Variants in TG observed in about 807,000 individuals in gnomAD.
The protein encoded by TG is thyroglobulin, also known as thyroid hormones.
TG carries 270 observed loss-of-function variants against 324.7 expected under a neutral mutation model. That is an observed-to-expected ratio of 0.83 (90% CI 0.75 to 0.92). The LOEUF (loss-of-function observed/expected upper bound fraction) is 0.92, where lower values mean the gene tolerates loss of function less well. Among genes scored for constraint, TG ranks in the 40% least tolerant of loss-of-function variants. The probability of loss-of-function intolerance (pLI) is 0.00; values close to 1 mark genes in which losing one functional copy is unlikely to be tolerated. For synonymous variants in TG, 1,401 were observed against 1,327.0 expected (o/e 1.06, Z -1.21); for missense variants, 3,591 against 3,456.4 (o/e 1.04, Z -0.98).
At chr8:133,131,997 C>T in intron 46 of TG, 51 bp downstream of exon 46, 1 of 1,612,950 alleles carries the variant, frequency 6.2e-7, no homozygotes. Context: ...TTTCCTCCCG[C>T]TTCCTTCAAG....
At chr8:132,890,356 G>T (rs573460151) in intron 10 of TG, among the ~76,000 whole-genome samples, 2 of 152,188 alleles carry the variant, frequency 1.3e-5, no homozygotes, top group East Asian at 1.9e-4. Context: ...TTTTTGGGGG[G>T]GGTGCATATT....
chr8:132,969,015 C>T (rs1035518370), intron 31 of TG, among the ~76,000 whole-genome samples: 6 of 152,022 alleles, frequency 3.9e-5, no homozygotes, highest in Admixed American at 1.3e-4. Context: ...TTGTCAGCTG[C>T]GGAGAGGAGA....
chr8:133,051,330 A>G (rs768817336), intron 41 of TG, among the ~76,000 whole-genome samples: 6 of 152,158 alleles, frequency 3.9e-5, no homozygotes, highest in East Asian at 1.9e-4. Context: ...ATACGTTCAC[A>G]TAAGTTGCTG....
In TG at chr8:133,134,756, A is replaced by C; in HGVS notation, c.8269A>C (p.Ser2757Arg). Reference protein sequence around the residue: ...AGSGLREDLLSLQEPGSKTYS... With the variant: ...AGSGLREDLLRLQEPGSKTYS... ...ATCTGGGCTAAGAGAAGATCTCCTA[A>C]GCCTCCAGGAACCAGGCTCTAAGAC... Residue 2757 changes from serine (S) to arginine (R), a missense_variant, in exon 48 of 48, where the codon AGC becomes CGC. Physicochemically the swap from Ser to Arg is moderately radical, Grantham distance 110. Coordinates refer to ENST00000220616, the MANE Select transcript of TG (RefSeq NM_003235.5). The C allele has an allele frequency of 6.2e-7, 1 of 1,614,144 alleles. No individual in the cohort carries two copies. The highest frequency in any genetic ancestry group is 1.1e-5 in the South Asian group (1 of 91,080).
chr8:132,929,461 C>T (rs939324120), intron 23 of TG, among the ~76,000 whole-genome samples: 3 of 152,050 alleles, frequency 2.0e-5, no homozygotes, highest in Non-Finnish European at 2.9e-5. Flanking sequence ...TCTATGTGTC[C>T]AGGTCAGGAT....
intron 24 of TG, among the ~76,000 whole-genome samples, chr8:132,934,696 C>T (rs1823303475): frequency 6.6e-6 from 1 of 152,218 alleles, no homozygotes; most frequent in African/African-American, 2.4e-5. Context: ...TTCAAACAGC[C>T]TTGCTGTAGC....
chr8:132,939,358 ACT>A (rs1403195200), intron 25 of TG, among the ~76,000 whole-genome samples: 1 of 152,134 alleles, frequency 6.6e-6, no homozygotes, highest in Non-Finnish European at 1.5e-5. Flanking sequence ...GGGGAGGCCG[ACT>A]CTCTCAAGTA....
chr8:133,093,849 G>A (rs906142157), intron 41 of TG, among the ~76,000 whole-genome samples: 10 of 152,194 alleles, frequency 6.6e-5, no homozygotes, highest in African/African-American at 2.4e-4. Flanking sequence ...CTGTTACATG[G>A]GACAGTAAGA....
intron 23 of TG, among the ~76,000 whole-genome samples, chr8:132,932,807 G>A (rs934680396): frequency 1.3e-5 from 2 of 152,218 alleles, no homozygotes; most frequent in Admixed American, 6.5e-5. Context: ...ATCCCTTGCA[G>A]GGCTGCTGTC....
At chr8:132,978,745 A>C (rs865975793) in intron 34 of TG, among the ~76,000 whole-genome samples, 1 of 152,154 alleles carries the variant, frequency 6.6e-6, no homozygotes, top group African/African-American at 2.4e-5. Context: ...GGTAGAGAGG[A>C]GGTAGCATGT....
chr8:133,047,927 C>A (rs558354498), intron 41 of TG: 2 of 1,605,588 alleles, frequency 1.2e-6, no homozygotes, highest in Non-Finnish European at 1.7e-6. Flanking sequence ...GGCCCTCAAA[C>A]AGCCAGCTGG....
At chr8:133,052,002 C>T (rs1483602522) in intron 41 of TG, among the ~76,000 whole-genome samples, 2 of 152,162 alleles carry the variant, frequency 1.3e-5, no homozygotes, top group Non-Finnish European at 2.9e-5. Flanking sequence ...CTACAGGATA[C>T]ATAAATAGTC....
chr8:133,037,438 A>T (rs1461542623), intron 41 of TG: 1 of 152,174 alleles, frequency 6.6e-6, no homozygotes, highest in African/African-American at 2.4e-5. Flanking sequence ...TTTTCTAAAA[A>T]ATCCAGCTAT....
rs760443386 is a variant in TG at position 133,011,979 on chromosome 8, A to G, written c.6341A>G (p.His2114Arg). The change falls in exon 36 of 48, where the codon CAT (histidine) becomes CGT (arginine). Residue 2114 changes from histidine to arginine, a missense_variant. His to Arg is a conservative substitution (Grantham distance 29, BLOSUM62 0). Coordinates refer to ENST00000220616, the MANE Select transcript of TG (RefSeq NM_003235.5). ...DPSIRHFDVA[H>R]VSTAATSNFS... ...TCCATTAGGCACTTTGATGTTGCCC[A>G]TGTCAGCACTGCTGCCACCAGCAAT... 5.6e-6 allele frequency: 9 copies of G among 1,614,192 alleles called. No homozygotes were observed. Among genetic ancestry groups the G allele is most frequent in the Non-Finnish European group, 7.6e-6 (9 of 1,180,036 alleles).
In TG at chr8:132,948,824, A is replaced by G. The variant is rs766675619; in HGVS notation, c.5282A>G (p.Asn1761Ser). 5 of 1,613,926 alleles carry G rather than the reference A, an allele frequency of 3.1e-6. No individual in the cohort carries two copies. The highest frequency in any genetic ancestry group is 2.2e-5 in the South Asian group (2 of 91,074). Residue 1761 changes from asparagine (N) to serine (S), a missense_variant, in exon 27 of 48, where the codon AAT becomes AGT. Asn to Ser is a conservative substitution (Grantham distance 46). Coordinates refer to ENST00000220616, the MANE Select transcript of TG (RefSeq NM_003235.5). ...AGCTCACCCAGTGTCCTGCTTTGTA[A>G]TGTCAAAGACTGGATGGATCCCTCT... ...LLSSPSVLLC[N>S]VKDWMDPSEA...
rs1133076 is a variant in TG at position 133,113,438 on chromosome 8, G to A, written c.7589G>A (p.Arg2530Gln). ...AKAVKQFEES[R>Q]GRTSSKTAFY... ...TTTTTCTAGCAATTTGAGGAAAGTC[G>A]AGGCCGGACCAGTAGCAAAACAGCC... Residue 2530 changes from arginine (R) to glutamine (Q), a missense_variant, in exon 44 of 48, where the codon CGA becomes CAA. Coordinates refer to ENST00000220616, the MANE Select transcript of TG (RefSeq NM_003235.5). 0.49 allele frequency: 792,723 copies of A among 1,613,204 alleles called. 200,372 individuals are homozygous for A. Among genetic ancestry groups the A allele is most frequent in the African/African-American group, 0.79 (58,753 of 74,796 alleles).
At chr8:133,099,341 T>C (rs1848908487) in intron 43 of TG, among the ~76,000 whole-genome samples, 1 of 152,232 alleles carries the variant, frequency 6.6e-6, no homozygotes, top group Non-Finnish European at 1.5e-5. Flanking sequence ...TGAGCAGCTT[T>C]TGTGAGCCTG....
intron 27 of TG, among the ~76,000 whole-genome samples, chr8:132,958,088 C>G (rs921140558): frequency 6.6e-6 from 1 of 152,188 alleles, no homozygotes; most frequent in Non-Finnish European, 1.5e-5. Context: ...AGTCTCCAGT[C>G]TCATCCAGGT....
At chr8:132,892,064 G>A (rs1816310802) in intron 10 of TG, among the ~76,000 whole-genome samples, 1 of 152,212 alleles carries the variant, frequency 6.6e-6, no homozygotes, top group Non-Finnish European at 1.5e-5. Context: ...TCAGGAGGCT[G>A]AAGCTCGGAG....
Sources: allele counts gnomAD v4.1 joint callset (sites outside exome capture counted in the v4.1 genomes callset), GRCh38; gene constraint gnomAD v4.1.1; transcripts MANE v1.5; gene names NCBI Gene and HGNC (gene_info 2026-07-23, HGNC 2026-07-21).